Variants in AIRE observed in about 807,000 individuals in gnomAD.
The protein encoded by AIRE is autoimmune polyendocrinopathy candidiasis ectodermal dystrophy protein.
AIRE carries 52 observed loss-of-function variants against 62.1 expected under a neutral mutation model. That is an observed-to-expected ratio of 0.84 (90% CI 0.67 to 1.06). The LOEUF is 1.06. Ranked by LOEUF, AIRE falls within the 50% of genes least tolerant of loss-of-function variation. The pLI is 0.00. For synonymous variants in AIRE, 342 were observed against 321.6 expected (o/e 1.06, Z -0.68); for missense variants, 774 against 755.8 (o/e 1.02, Z -0.28).
At chr21:44,288,226 G>A in intron 4 of AIRE, 119 bp from the exon 5 acceptor site, 3 of 845,244 alleles carry the variant, frequency 3.5e-6, no homozygotes, top group Non-Finnish European at 6.0e-6. Flanking sequence ...CCCCTCCTTG[G>A]CCTGCCCTGG....
rs1480626384 is a variant in AIRE at position 44,292,341 on chromosome 21, C to T, written c.1035C>T (p.Val345=). 9 of 1,576,990 alleles carry T rather than the reference C, an allele frequency of 5.7e-6. No individual in the cohort carries two copies. In the African/African-American group the frequency reaches 9.4e-5, roughly 17 times the overall value. ...WRCSSCLQAT[V]QEVQPRAEEP... is the part of the protein sequence containing the mutation. ...GCTCCAGCTGCCTGCAGGCAACAGT[C>T]CAGGAGGTGCAGCCCCGGGCAGAGG... Residue 345 remains valine (V), a synonymous_variant, in exon 9 of 14, where the codon GTC becomes GTT. Transcript: ENST00000291582.
chr21:44,290,469 G>A (rs531091430), intron 7 of AIRE: 7 of 981,658 alleles, frequency 7.1e-6, no homozygotes, highest in Non-Finnish European at 8.5e-6. Context: ...GCCTGCCGTG[G>A]TGGGTTACAG....
Position 44,286,603 on chromosome 21 carries a change from A to T in AIRE, c.179A>T (p.His60Leu). The change falls in exon 2 of 14, where the codon CAC becomes CTC. Residue 60 changes from histidine to leucine, a missense_variant. Coordinates refer to ENST00000291582, the MANE Select transcript of AIRE (RefSeq NM_000383.4). The surrounding 1 kb of genome is among the most constrained non-coding windows in gnomAD (Gnocchi z 6.0). ...KEKEGCPQAFHALLSWLLTQD... is the reference protein window; with the variant it reads ...KEKEGCPQAFLALLSWLLTQD... ...AAGGAGGGCTGCCCCCAGGCCTTCC[A>T]CGCCCTCCTGTCCTGGCTGCTGACC... 1 of 1,612,868 alleles carries T rather than the reference A, an allele frequency of 6.2e-7. No homozygotes were observed. Among genetic ancestry groups the T allele is most frequent in the Non-Finnish European group, 8.5e-7 (1 of 1,179,926 alleles).
At position 44,288,443 on chromosome 21, in the gene AIRE, C is replaced by T. The variant is rs1029475010; in HGVS notation, c.637C>T (p.Gln213Ter). 6.2e-7 allele frequency: 1 copy of T among 1,607,428 alleles called. No homozygotes were observed. The change falls in exon 5 of 14, where the codon CAG becomes TAG. Residue 213 changes from glutamine (Q) to a stop codon, truncating the protein, a stop_gained. Coordinates refer to ENST00000291582, the MANE Select transcript of AIRE (RefSeq NM_000383.4). LOFTEE classifies it high-confidence loss of function. ...GGCCGTGGAGGGGATCCTCATCCAG[C>T]AGGTGTTTGAGTCAGGTAGACGCTG... ...RGAVEGILIQ[Q>*]VFESGGSKKC...
At chr21:44,295,849 C>T (rs975365154) in intron 12 of AIRE, among the ~76,000 whole-genome samples, 1 of 149,598 alleles carries the variant, frequency 6.7e-6, no homozygotes, top group Non-Finnish European at 1.5e-5. Context: ...GCTGCCGGGC[C>T]TCGCAGCGCC....
At position 44,289,740 on chromosome 21, in the gene AIRE, G is replaced by A. The variant is rs2040517215; in HGVS notation, c.736G>A (p.Ala246Thr). ...FEDSGSGKNK[A>T]RSSSGPKPLV... ...AGACTCCGGCAGTGGGAAGAACAAG[G>A]CCCGCAGCAGCAGTGGCCCGAAGCC... is the stretch of plus-strand genomic sequence containing the variant. The change falls in exon 6 of 14, where the codon GCC becomes ACC. Residue 246 changes from alanine to threonine, a missense_variant. Coordinates refer to ENST00000291582, the MANE Select transcript of AIRE (RefSeq NM_000383.4). 2 of 1,612,712 alleles carry A rather than the reference G, an allele frequency of 1.2e-6. No homozygotes were observed. The highest frequency in any genetic ancestry group is 2.2e-5 in the South Asian group (2 of 91,090).
At position 44,290,477 on chromosome 21, in the gene AIRE, C is replaced by T. The variant is rs1486127085; in HGVS notation, c.879+409C>T. On this transcript the variant is annotated intron_variant, in intron 7 of 13. Coordinates refer to ENST00000291582, the MANE Select transcript of AIRE (RefSeq NM_000383.4). ...GGGGGGTGCCTGCCGTGGTGGGTTA[C>T]AGATCTTGACCACTTGGCACCAGGG... is the stretch of plus-strand genomic sequence containing the variant. 5.1e-6 allele frequency: 5 copies of T among 975,770 alleles called. No individual in the cohort carries two copies. The East Asian group carries it at 3.4e-4, about 67-fold the overall frequency. 60.4% of individuals were successfully genotyped at this position (975,770 alleles called of 1,614,324 possible).
intron 13 of AIRE, among the ~76,000 whole-genome samples, chr21:44,296,720 C>T (rs1023077987): frequency 6.9e-6 from 1 of 144,618 alleles, no homozygotes; most frequent in Non-Finnish European, 1.5e-5. Flanking sequence ...CCCTCCCCAA[C>T]AAGAGCCCCC....
Position 44,289,863 on chromosome 21 carries a change from G to A in AIRE, c.798+61G>A, listed in dbSNP as rs1410767988. 1.1e-5 allele frequency: 18 copies of A among 1,610,170 alleles called. 1 individual carries two copies. The highest frequency in any genetic ancestry group is 3.8e-4 in the Middle Eastern group (2 of 5,288). Reference sequence around the variant, plus strand: ...TGATGCCCCCCGCCCCAGGAACAGCGTTGCCTCTGGGGGAGTGGCTCTGCT... The same window carrying A: ...TGATGCCCCCCGCCCCAGGAACAGCATTGCCTCTGGGGGAGTGGCTCTGCT... On this transcript the variant is annotated intron_variant, in intron 6 of 13. Coordinates refer to ENST00000291582, the MANE Select transcript of AIRE (RefSeq NM_000383.4).
At position 44,287,657 on chromosome 21, in the gene AIRE, G is replaced by A; in HGVS notation, c.538+66G>A. Reference sequence around the variant, plus strand: ...CAGGGGCAAGGGGTCAGGGGTCAGAGCAGGGCCTGCCCTCTGAGACCCTGT... The same window carrying A: ...CAGGGGCAAGGGGTCAGGGGTCAGAACAGGGCCTGCCCTCTGAGACCCTGT... On this transcript the variant is annotated intron_variant, in intron 4 of 13. Coordinates refer to ENST00000291582, the MANE Select transcript of AIRE (RefSeq NM_000383.4). This position sits in a 1 kb window ranked among gnomAD's most constrained non-coding sequence, Gnocchi z 4.3. 6.8e-7 allele frequency: 1 copy of A among 1,460,914 alleles called. No homozygotes were observed. The highest frequency in any genetic ancestry group is 9.4e-7 in the Non-Finnish European group (1 of 1,067,518). The allele number at this position is 1,460,914 out of a possible 1,614,324, so 90.5% of individuals were successfully genotyped here. A position where few individuals can be genotyped will look rare whatever the true frequency, so the allele number is the denominator to read the frequency against.
At chr21:44,291,049 GCTGCACCCCAGCCCA>G in intron 7 of AIRE, 31 bp from the exon 8 acceptor site, 1 of 1,613,498 alleles carries the variant, frequency 6.2e-7, no homozygotes, top group Non-Finnish European at 8.5e-7. Flanking sequence ...TCAGGAGGGT[GCTGCACCCCAGCCCA>G]GTCTGCATGG....
rs774298250 is a variant in AIRE at position 44,294,458 on chromosome 21, G to T, written c.1458G>T (p.Gly486=). ...ACGTGACCCCAGCCCCTGTGGAGGG[G>T]GTGCTGGCCCCCAGCCCCGCCCGCC... is the stretch of plus-strand genomic sequence containing the variant. ...SGDVTPAPVE[G]VLAPSPARLA... is the part of the protein sequence containing the mutation. The change falls in exon 12 of 14, where the codon GGG becomes GGT. Residue 486 remains glycine, a synonymous_variant. Coordinates refer to ENST00000291582, the MANE Select transcript of AIRE (RefSeq NM_000383.4). 5 of 1,564,524 alleles carry T rather than the reference G, an allele frequency of 3.2e-6. No homozygotes were observed. Among genetic ancestry groups the T allele is most frequent in the Non-Finnish European group, 3.4e-6 (4 of 1,162,672 alleles).
At chr21:44,289,962 A>G (rs776265045) in intron 6 of AIRE, 26 bp from the exon 7 acceptor site, 3 of 1,608,106 alleles carry the variant, frequency 1.9e-6, no homozygotes, top group Non-Finnish European at 2.5e-6. Flanking sequence ...GGCTGCCCCC[A>G]TTGCTGACGC....
Position 44,290,738 on chromosome 21 carries a change from A to T in AIRE, c.880-357A>T. 3 of 1,412,210 alleles carry T rather than the reference A, an allele frequency of 2.1e-6. No homozygotes were observed. The South Asian group carries it at 3.4e-5, about 16-fold the overall frequency. 87.5% of individuals were successfully genotyped at this position (1,412,210 alleles called of 1,614,324 possible). On this transcript the variant is annotated intron_variant, in intron 7 of 13. Coordinates refer to ENST00000291582, the MANE Select transcript of AIRE (RefSeq NM_000383.4). ...GGACGGTGGGGGCTGCAGGTGGAGGATTCAGCAGGCGCTGAGGTCGGGAGA... is the reference window on the plus strand; with the variant it reads ...GGACGGTGGGGGCTGCAGGTGGAGGTTTCAGCAGGCGCTGAGGTCGGGAGA...
intron 5 of AIRE, chr21:44,288,794 A>G: frequency 3.5e-6 from 1 of 288,220 alleles, no homozygotes; most frequent in African/African-American, 2.1e-5. Flanking sequence ...GAGACCCTCC[A>G]GGGTATCGGC....
In AIRE at chr21:44,293,144, C is replaced by A. The variant is rs2040561149; in HGVS notation, c.1247C>A (p.Pro416His). The change falls in exon 10 of 14, where the codon CCC (proline) becomes CAC (histidine). Residue 416 changes from proline (P) to histidine (H), a missense_variant. Around this residue, in one of 3 missense-constraint regions of AIRE, gnomAD observed 354 missense variants for 296.1 expected, o/e 1.20. Coordinates refer to ENST00000291582, the MANE Select transcript of AIRE (RefSeq NM_000383.4). ...LPGLDSSALH[P>H]LLCVGPEGQQ... ...GGGCTGGACTCCTCGGCCCTGCACC[C>A]CCTACTGTGTGTGGGTCCTGAGGGT... The A allele has an allele frequency of 6.3e-7, 1 of 1,581,926 alleles. No individual in the cohort carries two copies. The highest frequency in any genetic ancestry group is 2.3e-5 in the East Asian group (1 of 43,560).
intron 8 of AIRE, 134 bp from the exon 9 acceptor site, chr21:44,292,168 C>T: frequency 1.3e-6 from 1 of 761,950 alleles, no homozygotes; most frequent in Non-Finnish European, 2.3e-6. Context: ...TGTCTCTGCC[C>T]ATCTCTCTGC....
At chr21:44,288,737 T>C in intron 5 of AIRE, 1 of 428,036 alleles carries the variant, frequency 2.3e-6, no homozygotes, top group South Asian at 3.2e-5. Flanking sequence ...GCATGGGCCC[T>C]CCTGGGCCAT....
In AIRE at chr21:44,287,342, G is replaced by T; in HGVS notation, c.464-175G>T. ...CTGAAGGCTGAGCTCCCCGGAGCTG[G>T]TGAAGTAGGCGGGCGGGTCTCATTT... is the stretch of plus-strand genomic sequence containing the variant. On this transcript the variant is annotated intron_variant, in intron 3 of 13. Transcript: ENST00000291582. The surrounding 1 kb of genome is among the most constrained non-coding windows in gnomAD (Gnocchi z 4.3). 1 of 728,448 alleles carries T rather than the reference G, an allele frequency of 1.4e-6. No individual in the cohort carries two copies. 45.1% of individuals were successfully genotyped at this position (728,448 alleles called of 1,614,324 possible). A position where few individuals can be genotyped will look rare whatever the true frequency, so the allele number is the denominator to read the frequency against.
Sources: allele counts gnomAD v4.1 joint callset (sites outside exome capture counted in the v4.1 genomes callset), GRCh38; gene constraint gnomAD v4.1.1; regional missense constraint gnomAD v4.1.1; non-coding constraint Gnocchi (gnomAD v3.1); transcripts MANE v1.5; gene names NCBI Gene and HGNC (gene_info 2026-07-23, HGNC 2026-07-21).